Variants in PPP2R2B observed in about 807,000 individuals in gnomAD.
PPP2R2B encodes protein phosphatase 2 regulatory subunit Bbeta, also known as serine/threonine-protein phosphatase 2A 55 kDa regulatory subunit B beta isoform.
In PPP2R2B, 5 loss-of-function variants were observed where a neutral mutation model predicts 46.0. The ratio of observed to expected loss-of-function variants is 0.11; its 90% CI spans 0.06 to 0.23. PPP2R2B has a LOEUF of 0.23. Ranked by LOEUF, PPP2R2B falls within the 10% of genes least tolerant of loss-of-function variation. PPP2R2B has a pLI of 1.00. For synonymous variants in PPP2R2B, 215 were observed against 206.7 expected (o/e 1.04, Z -0.34); for missense variants, 367 against 575.0 (o/e 0.64, Z 3.70).
intron 2 of PPP2R2B, among the ~76,000 whole-genome samples, chr5:146,826,529 CA>C (rs1309257471): frequency 6.6e-6 from 1 of 152,138 alleles, no homozygotes; most frequent in Non-Finnish European, 1.5e-5. Flanking sequence ...AGAGGTTGCA[CA>C]AGCTGCTGGA....
At chr5:146,941,562 TA>T (rs1271535909) in intron 1 of PPP2R2B, among the ~76,000 whole-genome samples, 6 of 152,274 alleles carry the variant, frequency 3.9e-5, no homozygotes, top group Non-Finnish European at 7.4e-5. Context: ...GTAGAAAAAC[TA>T]AAAAACATTA....
chr5:146,805,331 C>T (rs1401837989), intron 2 of PPP2R2B, among the ~76,000 whole-genome samples: 1 of 152,168 alleles, frequency 6.6e-6, no homozygotes, highest in Non-Finnish European at 1.5e-5. Flanking sequence ...ACATTCACCC[C>T]TCCCCCCAAC....
intron 2 of PPP2R2B, among the ~76,000 whole-genome samples, chr5:146,706,117 T>A (rs534957525): frequency 6.6e-6 from 1 of 152,318 alleles, no homozygotes; most frequent in Admixed American, 6.5e-5. Context: ...GTAAGTCTCC[T>A]GTTCCCTGTG....
intron 1 of PPP2R2B, among the ~76,000 whole-genome samples, chr5:147,036,688 G>C (rs1756053923): frequency 6.6e-6 from 1 of 152,030 alleles, no homozygotes; most frequent in Admixed American, 6.6e-5. Flanking sequence ...TTGTATTTTT[G>C]ACTTTTTAAT....
chr5:146,892,345 A>G (rs1447535873), intron 1 of PPP2R2B, among the ~76,000 whole-genome samples: 1 of 152,196 alleles, frequency 6.6e-6, no homozygotes, highest in African/African-American at 2.4e-5. Flanking sequence ...CGTTGAAATA[A>G]TAATTCCTCA....
chr5:146,745,031 A>G (rs906724719), intron 2 of PPP2R2B, among the ~76,000 whole-genome samples: 1 of 152,162 alleles, frequency 6.6e-6, no homozygotes, highest in Non-Finnish European at 1.5e-5. Flanking sequence ...GGGAAAATAG[A>G]TAATTGACCA....
intron 2 of PPP2R2B, among the ~76,000 whole-genome samples, chr5:146,795,826 C>T (rs1355890200): frequency 6.6e-6 from 1 of 152,066 alleles, no homozygotes; most frequent in Non-Finnish European, 1.5e-5. Context: ...AGTCAATTTG[C>T]ATGACTAAAA....
At chr5:147,028,613 T>G (rs1317755708) in intron 1 of PPP2R2B, among the ~76,000 whole-genome samples, 2 of 152,232 alleles carry the variant, frequency 1.3e-5, no homozygotes, top group African/African-American at 4.8e-5. Flanking sequence ...TGTTTTCATT[T>G]AGGGTTATCA....
intron 2 of PPP2R2B, among the ~76,000 whole-genome samples, chr5:146,877,695 G>T (rs1380950945): frequency 6.6e-6 from 1 of 152,124 alleles, no homozygotes; most frequent in Non-Finnish European, 1.5e-5. Context: ...AACATCTCGG[G>T]GAAGGGGTCA....
At chr5:147,056,035 G>A, upstream of PPP2R2B, 2 of 1,216,936 alleles carry the variant, frequency 1.6e-6, no homozygotes, top group East Asian at 4.1e-5. Context: ...TGCTGAGTAA[G>A]TCAGTCCTGC....
intron 2 of PPP2R2B, among the ~76,000 whole-genome samples, chr5:146,749,579 G>A (rs1346263867): frequency 6.7e-6 from 1 of 149,844 alleles, no homozygotes; most frequent in African/African-American, 2.5e-5. Context: ...CCTAGATCCT[G>A]AAGATTTCCT....
At chr5:147,009,140 A>T (rs1300552228) in intron 1 of PPP2R2B, among the ~76,000 whole-genome samples, 5 of 152,144 alleles carry the variant, frequency 3.3e-5, no homozygotes, top group African/African-American at 1.2e-4. Context: ...AGATCAAGAA[A>T]AACTACACTA....
intron 2 of PPP2R2B, among the ~76,000 whole-genome samples, chr5:146,702,056 T>TAAA (rs3062308): frequency 0.011 from 1,399 of 129,930 alleles, 25 homozygotes; most frequent in African/African-American, 0.035. Context: ...GCAAATGAGT[T>TAAA]AAAAAAAAAA....
At chr5:146,837,348 G>A (rs542635937) in intron 2 of PPP2R2B, among the ~76,000 whole-genome samples, 4 of 152,180 alleles carry the variant, frequency 2.6e-5, no homozygotes, top group African/African-American at 4.8e-5. Context: ...AGAAGATTAC[G>A]TGTATTAAAT....
chr5:146,930,243 C>G (rs187462268), intron 1 of PPP2R2B, among the ~76,000 whole-genome samples: 3 of 152,222 alleles, frequency 2.0e-5, no homozygotes, highest in African/African-American at 7.2e-5. Context: ...AAGCAAGGGT[C>G]TCTCTGGAGG....
intron 2 of PPP2R2B, among the ~76,000 whole-genome samples, chr5:146,833,169 T>G (rs1335065831): frequency 6.6e-6 from 1 of 152,144 alleles, no homozygotes; most frequent in Non-Finnish European, 1.5e-5. Flanking sequence ...AGCTCATCAC[T>G]TCAAAATGCC....
At chr5:146,779,924 A>G (rs1409856083) in intron 2 of PPP2R2B, among the ~76,000 whole-genome samples, 2 of 152,164 alleles carry the variant, frequency 1.3e-5, no homozygotes, top group Non-Finnish European at 1.5e-5. Context: ...TTTGAGTTAC[A>G]TATAGGGGAC....
At chr5:146,670,914 T>G (rs1447835005) in intron 5 of PPP2R2B, among the ~76,000 whole-genome samples, 1 of 152,122 alleles carries the variant, frequency 6.6e-6, no homozygotes, top group Admixed American at 6.6e-5. Context: ...AAGAAGAAAA[T>G]TATAAAAATA....
chr5:146,850,119 T>C lies in PPP2R2B; in HGVS notation c.70+27883A>G, dbSNP rs537684840. On this transcript the variant is annotated intron_variant, in intron 2 of 9. Transcript: ENST00000394411. ...TTATGTCTGGGTAAGCGTGTGTGGGTGACACAGAGGAATTTGAAGAGGTCT... is the reference window on the plus strand; with the variant it reads ...TTATGTCTGGGTAAGCGTGTGTGGGCGACACAGAGGAATTTGAAGAGGTCT... Among the ~76,000 whole-genome samples, 11 of 152,280 alleles carry C rather than the reference T, an allele frequency of 7.2e-5. No individual in the cohort carries two copies. In the East Asian group the frequency reaches 2.1e-3, roughly 29 times the overall value.
Sources: allele counts gnomAD v4.1 joint callset (sites outside exome capture counted in the v4.1 genomes callset), GRCh38; gene constraint gnomAD v4.1.1; transcripts MANE v1.5; gene names NCBI Gene and HGNC (gene_info 2026-07-23, HGNC 2026-07-21).